KIAA1671: variants seen among roughly 807,000 people sequenced by gnomAD.
KIAA1671 encodes uncharacterized protein KIAA1671.
Under a neutral mutation model 131.2 loss-of-function variants are expected in KIAA1671, and 52 were observed. The ratio of observed to expected loss-of-function variants is 0.40; its 90% CI spans 0.32 to 0.50. The LOEUF is 0.50. KIAA1671 is among the 20% of genes least tolerant of loss of function. KIAA1671 has a pLI of 0.73. For synonymous variants in KIAA1671, 1,003 were observed against 961.6 expected (o/e 1.04, Z -0.80); for missense variants, 2,360 against 2,364.2 (o/e 1.00, Z 0.04).
intron 6 of KIAA1671, among the ~76,000 whole-genome samples, chr22:25,125,826 C>A (rs1932154041): frequency 1.3e-5 from 2 of 152,212 alleles, no homozygotes; most frequent in African/African-American, 2.4e-5. Flanking sequence ...CCTTAAGTAA[C>A]CATGTGGCCT....
At chr22:25,044,645 A>G (rs2145812967) in intron 5 of KIAA1671, among the ~76,000 whole-genome samples, 1 of 152,256 alleles carries the variant, frequency 6.6e-6, no homozygotes, top group Admixed American at 6.5e-5. Flanking sequence ...TAAAAAAAAA[A>G]ATAAAAACAC....
chr22:25,059,876 G>A (rs374467094), intron 6 of KIAA1671: 15 of 152,260 alleles, frequency 9.9e-5, no homozygotes, highest in African/African-American at 3.6e-4. Flanking sequence ...ATTTAGTTGG[G>A]GGCAGAATTC....
intron 6 of KIAA1671, among the ~76,000 whole-genome samples, chr22:25,073,719 G>C (rs1299717505): frequency 6.6e-6 from 1 of 152,136 alleles, no homozygotes; most frequent in African/African-American, 2.4e-5. Flanking sequence ...TTGTTTTTTA[G>C]GTAGTCTTGC....
chr22:25,035,829 C>A (rs1466471785), intron 4 of KIAA1671, among the ~76,000 whole-genome samples: 3 of 152,090 alleles, frequency 2.0e-5, no homozygotes, highest in African/African-American at 7.2e-5. Context: ...AAGAAATAAA[C>A]CCTTGCTTTA....
At chr22:25,112,992 G>C (rs1398962976) in intron 6 of KIAA1671, among the ~76,000 whole-genome samples, 1 of 151,958 alleles carries the variant, frequency 6.6e-6, no homozygotes, top group Non-Finnish European at 1.5e-5. Context: ...GGTTTGGTGT[G>C]AGTGGGCCAG....
chr22:25,113,627 G>A (rs1931502978), intron 6 of KIAA1671, among the ~76,000 whole-genome samples: 1 of 152,202 alleles, frequency 6.6e-6, no homozygotes, highest in African/African-American at 2.4e-5. Context: ...ACTCACCCCA[G>A]GTCACGCAGC....
intron 6 of KIAA1671, among the ~76,000 whole-genome samples, chr22:25,084,507 C>T (rs1324543615): frequency 6.7e-6 from 1 of 149,844 alleles, no homozygotes; most frequent in Non-Finnish European, 1.5e-5. Flanking sequence ...TTTATGGTTT[C>T]TGGTTTATCT....
At position 25,039,031 on chromosome 22, in the gene KIAA1671, C is replaced by G; in HGVS notation, c.1901C>G (p.Thr634Ser). The change falls in exon 5 of 13, where the codon ACC (threonine) becomes AGC (serine). Residue 634 changes from threonine (T) to serine (S), a missense_variant. Physicochemically the swap from Thr to Ser is moderately conservative, Grantham distance 58 (BLOSUM62 1). Transcript: ENST00000358431. ...VADQSGRCLS[T>S]TPPGDMAHAR... ...GACCAGTCGGGACGTTGTCTCTCCA[C>G]CACACCCCCTGGTGACATGGCCCAT... 1 of 1,551,740 alleles carries G rather than the reference C, an allele frequency of 6.4e-7. No individual in the cohort carries two copies. The highest frequency in any genetic ancestry group is 2.0e-5 in the Admixed American group (1 of 51,018).
intron 6 of KIAA1671, among the ~76,000 whole-genome samples, chr22:25,084,634 G>A (rs1451745344): frequency 6.6e-6 from 1 of 152,196 alleles, no homozygotes; most frequent in Non-Finnish European, 1.5e-5. Context: ...ACCAACCACT[G>A]TTCATTATGT....
intron 6 of KIAA1671, among the ~76,000 whole-genome samples, chr22:25,116,272 T>C (rs1931654301): frequency 6.8e-6 from 1 of 148,036 alleles, no homozygotes; most frequent in South Asian, 2.2e-4. Flanking sequence ...AGGGTCCTGC[T>C]ATGTTGCCCA....
intron 10 of KIAA1671, among the ~76,000 whole-genome samples, chr22:25,183,950 G>A (rs1392864288): frequency 6.6e-6 from 1 of 152,152 alleles, no homozygotes; most frequent in Non-Finnish European, 1.5e-5. Flanking sequence ...GTGTAGGTGA[G>A]ATGGAGGCCC....
Position 25,194,204 on chromosome 22 carries a change from G to A in KIAA1671, c.*1803G>A, listed in dbSNP as rs1934753244. 1 of 152,290 alleles carries A rather than the reference G, an allele frequency of 6.6e-6. No individual in the cohort carries two copies. Among genetic ancestry groups the A allele is most frequent in the East Asian group, 1.9e-4 (1 of 5,186 alleles). 9.4% of individuals were successfully genotyped at this position (152,290 alleles called of 1,614,324 possible). The stretch of plus-strand genomic sequence containing the variant: ...TTCTCCCACCTCAGCCTCCCAAGTA[G>A]CTGGGACTACAGGTGTATGCTACCA... On this transcript the variant is annotated 3_prime_UTR_variant, in exon 13 of 13. Transcript: ENST00000358431.
At position 25,094,485 on chromosome 22, in the gene KIAA1671, A is replaced by AAGT. The variant is rs372272880; in HGVS notation, c.4530+45123_4530+45125dup. On this transcript the variant is annotated intron_variant, in intron 6 of 12. Coordinates refer to ENST00000358431, the MANE Select transcript of KIAA1671 (RefSeq NM_001145206.2). ...GGAGGCAAGCAGGCCCTGGGGTGGG[A>AAGT]AGTAAAAGGTGAGAGTGAGAACACC... is the stretch of plus-strand genomic sequence containing the variant. Among the ~76,000 whole-genome samples, 478 of 152,154 alleles carry AAGT rather than the reference A, an allele frequency of 3.1e-3. 2 individuals carry two copies. Among genetic ancestry groups the AAGT allele is most frequent in the African/African-American group, 0.011 (461 of 41,504 alleles).
At chr22:25,147,308 T>C (rs962018224) in intron 6 of KIAA1671, among the ~76,000 whole-genome samples, 1 of 152,060 alleles carries the variant, frequency 6.6e-6, no homozygotes, top group Non-Finnish European at 1.5e-5. Context: ...TTCTCCTGCC[T>C]CAGCCTCCTG....
At chr22:25,048,749 G>A (rs1927374247) in intron 5 of KIAA1671, among the ~76,000 whole-genome samples, 1 of 152,194 alleles carries the variant, frequency 6.6e-6, no homozygotes. Context: ...TGCATAAAGA[G>A]ATGATTAAAA....
At chr22:24,996,882 T>C (rs1924168486) in intron 1 of KIAA1671, among the ~76,000 whole-genome samples, 1 of 151,874 alleles carries the variant, frequency 6.6e-6, no homozygotes, top group Non-Finnish European at 1.5e-5. Context: ...GGAAAGGGGA[T>C]TTGGGGGAGG....
At chr22:25,125,124 A>G (rs1932119294) in intron 6 of KIAA1671, among the ~76,000 whole-genome samples, 2 of 152,174 alleles carry the variant, frequency 1.3e-5, no homozygotes, top group African/African-American at 4.8e-5. Flanking sequence ...GCGCCTCTCC[A>G]GGTTGTTCGC....
intron 6 of KIAA1671, among the ~76,000 whole-genome samples, chr22:25,117,584 A>ACCAC (rs1491214445): frequency 4.1e-4 from 21 of 51,268 alleles, no homozygotes; most frequent in Non-Finnish European, 7.4e-4. Flanking sequence ...ATCTCCCCCA[A>ACCAC]CCACACACAC....
At chr22:25,104,803 T>C (rs1255352302) in intron 6 of KIAA1671, among the ~76,000 whole-genome samples, 1 of 152,138 alleles carries the variant, frequency 6.6e-6, no homozygotes, top group Non-Finnish European at 1.5e-5. Context: ...ATTATACATT[T>C]TTGTATTTGA....
Sources: allele counts gnomAD v4.1 joint callset (sites outside exome capture counted in the v4.1 genomes callset), GRCh38; gene constraint gnomAD v4.1.1; transcripts MANE v1.5; gene names NCBI Gene and HGNC (gene_info 2026-07-23, HGNC 2026-07-21).